The following SLC38A4 variants were observed in gnomAD, a reference collection of about 807,000 sequenced individuals.
SLC38A4 encodes sodium-coupled neutral amino acid transporter 4.
A neutral mutation model predicts 63.1 loss-of-function variants in SLC38A4; 20 were observed. The ratio of observed to expected loss-of-function variants is 0.32; its 90% CI spans 0.22 to 0.46. The LOEUF (loss-of-function observed/expected upper bound fraction) is 0.46. Ranked by LOEUF, SLC38A4 falls within the 20% of genes least tolerant of loss-of-function variation. SLC38A4 has a pLI of 1.00. For synonymous variants in SLC38A4, 230 were observed against 225.5 expected (o/e 1.02, Z -0.18); for missense variants, 526 against 663.6 (o/e 0.79, Z 2.28).
At chr12:46,775,849 A>G (rs988652618) in intron 13 of SLC38A4, among the ~76,000 whole-genome samples, 1 of 152,034 alleles carries the variant, frequency 6.6e-6, no homozygotes, top group Admixed American at 6.6e-5. Context: ...CACAAATAAC[A>G]AGAAAATATC....
chr12:46,806,773 A>G (rs1939241429), intron 1 of SLC38A4, among the ~76,000 whole-genome samples: 1 of 152,012 alleles, frequency 6.6e-6, no homozygotes, highest in Admixed American at 6.6e-5. Context: ...ACCTTCAAAT[A>G]GTGTAGAGAA....
chr12:46,773,328 T>C (rs562766284), intron 14 of SLC38A4, among the ~76,000 whole-genome samples: 1 of 152,220 alleles, frequency 6.6e-6, no homozygotes, highest in South Asian at 2.1e-4. Flanking sequence ...ACTGTGCACA[T>C]CACCAAGTCC....
intron 1 of SLC38A4, among the ~76,000 whole-genome samples, chr12:46,824,150 C>A (rs1157685253): frequency 6.6e-6 from 1 of 152,182 alleles, no homozygotes; most frequent in Non-Finnish European, 1.5e-5. Flanking sequence ...TGTGTCTGAG[C>A]ATAGATAGGC....
intron 2 of SLC38A4, among the ~76,000 whole-genome samples, chr12:46,800,306 T>G (rs1391931925): frequency 6.6e-6 from 1 of 152,120 alleles, no homozygotes; most frequent in African/African-American, 2.4e-5. Context: ...CTACTGTGAT[T>G]TTGTCATCAC....
chr12:46,783,109 A>C (rs1475219862), intron 7 of SLC38A4, among the ~76,000 whole-genome samples: 1 of 148,102 alleles, frequency 6.8e-6, no homozygotes, highest in South Asian at 2.2e-4. Flanking sequence ...GTAGCCTGTG[A>C]AAAGAAGGCA....
At position 46,793,133 on chromosome 12, in the gene SLC38A4, C is replaced by A. The variant is rs1938925613; in HGVS notation, c.-62G>T. The A allele has an allele frequency of 1.7e-6, 2 of 1,182,692 alleles. No homozygotes were observed. The highest frequency in any genetic ancestry group is 3.0e-5 in the African/African-American group (2 of 66,574). The allele number at this position is 1,182,692 out of a possible 1,614,324, so 73.3% of individuals were successfully genotyped here. A position where few individuals can be genotyped will look rare whatever the true frequency, so the allele number is the denominator to read the frequency against. ...CCTTCAGTGTAAATAATATACTGTACCTTCAGCTTAAGGTTCTTCCACTTT... is the reference window on the plus strand; with the variant it reads ...CCTTCAGTGTAAATAATATACTGTAACTTCAGCTTAAGGTTCTTCCACTTT... On this transcript the variant is annotated 5_prime_UTR_variant, in exon 3 of 17. Coordinates refer to ENST00000266579, the MANE Select transcript of SLC38A4 (RefSeq NM_018018.5).
chr12:46,767,292 T>A (rs1362965874), intron 16 of SLC38A4, among the ~76,000 whole-genome samples: 1 of 151,986 alleles, frequency 6.6e-6, no homozygotes, highest in East Asian at 1.9e-4. Flanking sequence ...TATAAGGATA[T>A]ATGTACATAC....
chr12:46,775,047 A>C lies in SLC38A4; in HGVS notation c.1299+2T>G. ...TCTTTCATCAAAGTCTTATGTACTT[A>C]CTGGGAAGAGGACAATGGGCACAGT... On this transcript the variant is annotated splice_donor_variant, in intron 14 of 16. Transcript: ENST00000266579. LOFTEE classifies it high-confidence loss of function. 2 of 1,612,226 alleles carry C rather than the reference A, an allele frequency of 1.2e-6. No individual in the cohort carries two copies. Among genetic ancestry groups the C allele is most frequent in the Non-Finnish European group, 1.7e-6 (2 of 1,178,812 alleles).
At chr12:46,797,708 AC>A (rs1939045599) in intron 2 of SLC38A4, among the ~76,000 whole-genome samples, 1 of 152,130 alleles carries the variant, frequency 6.6e-6, no homozygotes. Flanking sequence ...GAATACATAT[AC>A]CAAAGACTCC....
At chr12:46,799,205 G>A (rs1038370984) in intron 2 of SLC38A4, among the ~76,000 whole-genome samples, 1 of 152,104 alleles carries the variant, frequency 6.6e-6, no homozygotes, top group East Asian at 1.9e-4. Flanking sequence ...ACAAAAGAGG[G>A]CTTTACAGTT....
rs989151689 is a variant in SLC38A4 at position 46,824,719 on chromosome 12, A to G, written c.-305+1184T>C. ...AATAGTTTCAGAACGATGAAAATAT[A>G]GAGATGGAAAACAAGTGGTTGCCGG... On this transcript the variant is annotated intron_variant, in intron 1 of 16. Coordinates refer to ENST00000266579, the MANE Select transcript of SLC38A4 (RefSeq NM_018018.5). Among the ~76,000 whole-genome samples the G allele has an allele frequency of 3.9e-5, 6 of 152,368 alleles. No individual in the cohort carries two copies. The East Asian group carries it at 9.6e-4, about 24-fold the overall frequency.
intron 3 of SLC38A4, among the ~76,000 whole-genome samples, chr12:46,790,678 T>C (rs1375390419): frequency 6.6e-6 from 1 of 152,218 alleles, no homozygotes; most frequent in Non-Finnish European, 1.5e-5. Flanking sequence ...TTTTCTTTCT[T>C]TGAGGCATTT....
Position 46,779,870 on chromosome 12 carries a change from TGA to T in SLC38A4, c.576-10_576-9del, listed in dbSNP as rs934388431. The T allele has an allele frequency of 9.9e-6, 16 of 1,611,278 alleles. No individual in the cohort carries two copies. Among genetic ancestry groups the T allele is most frequent in the Non-Finnish European group, 1.3e-5 (15 of 1,178,322 alleles). ...CCATTGAGGTACCATTCTCTAGAAG[TGA>T]GAGACAAGGATATTAGAATCAGAAA... is the stretch of plus-strand genomic sequence containing the variant. On this transcript the variant is annotated splice_polypyrimidine_tract_variant and intron_variant, in intron 8 of 16. Coordinates refer to ENST00000266579, the MANE Select transcript of SLC38A4 (RefSeq NM_018018.5).
At chr12:46,812,218 GATA>G (rs901008256) in intron 1 of SLC38A4, among the ~76,000 whole-genome samples, 1 of 152,018 alleles carries the variant, frequency 6.6e-6, no homozygotes, top group Admixed American at 6.6e-5. Context: ...ATGTGAATAA[GATA>G]ATCATATTGA....
chr12:46,826,764 A>T (rs1939662063), upstream of SLC38A4, among the ~76,000 whole-genome samples: 1 of 152,222 alleles, frequency 6.6e-6, no homozygotes, highest in South Asian at 2.1e-4. Context: ...TATCCACATT[A>T]CCTTGCCTAC....
intron 1 of SLC38A4, among the ~76,000 whole-genome samples, chr12:46,822,201 A>G (rs1326207275): frequency 6.6e-6 from 1 of 152,170 alleles, no homozygotes; most frequent in African/African-American, 2.4e-5. Flanking sequence ...ACACACACGT[A>G]CACATAGGGT....
intron 1 of SLC38A4, among the ~76,000 whole-genome samples, chr12:46,813,396 C>T (rs1939377716): frequency 6.6e-6 from 1 of 151,958 alleles, no homozygotes; most frequent in Non-Finnish European, 1.5e-5. Context: ...TAAATCCGAA[C>T]TCTTTTTCTC....
chr12:46,819,427 A>T (rs542273041), intron 1 of SLC38A4, among the ~76,000 whole-genome samples: 2 of 152,012 alleles, frequency 1.3e-5, no homozygotes, highest in East Asian at 3.9e-4. Context: ...CATTATATAT[A>T]TGTATCAATA....
In SLC38A4 at chr12:46,795,601, T is replaced by C. The variant is rs1027703497; in HGVS notation, c.-112-2418A>G. Among the ~76,000 whole-genome samples, 3 of 152,278 alleles carry C rather than the reference T, an allele frequency of 2.0e-5. No homozygotes were observed. In the East Asian group the frequency reaches 5.8e-4, roughly 29 times the overall value. ...TTTATTTTGCATTATGCTAAAATAATGCCTTGAATAACTTTTTTCACACAA... is the reference window on the plus strand; with the variant it reads ...TTTATTTTGCATTATGCTAAAATAACGCCTTGAATAACTTTTTTCACACAA... On this transcript the variant is annotated intron_variant, in intron 2 of 16. Transcript: ENST00000266579.
Sources: allele counts gnomAD v4.1 joint callset (sites outside exome capture counted in the v4.1 genomes callset), GRCh38; gene constraint gnomAD v4.1.1; transcripts MANE v1.5; gene names NCBI Gene and HGNC (gene_info 2026-07-23, HGNC 2026-07-21).